The following ZNF423 variants were observed in gnomAD, a reference collection of about 807,000 sequenced individuals.
ZNF423 encodes Ebf-associated zinc finger protein.
Under a neutral mutation model 95.8 loss-of-function variants are expected in ZNF423, and 12 were observed. The ratio of observed to expected loss-of-function variants is 0.13; its 90% CI spans 0.08 to 0.20. The LOEUF is 0.20. ZNF423 is among the 10% of genes least tolerant of loss of function. The probability of loss-of-function intolerance (pLI) is 1.00; values close to 1 mark genes in which losing one functional copy is unlikely to be tolerated. For missense variants in ZNF423, 1,316 were observed against 1,737.1 expected (o/e 0.76, Z 4.31); for synonymous variants, 749 against 711.9 (o/e 1.05, Z -0.83).
chr16:49,617,917 A>G (rs1436203479), intron 5 of ZNF423, among the ~76,000 whole-genome samples: 1 of 152,008 alleles, frequency 6.6e-6, no homozygotes, highest in African/African-American at 2.4e-5. Context: ...ATTCCTGGAA[A>G]CACTGCTCCT....
At chr16:49,581,640 T>A (rs1420156991) in intron 5 of ZNF423, among the ~76,000 whole-genome samples, 3 of 152,234 alleles carry the variant, frequency 2.0e-5, no homozygotes, top group Non-Finnish European at 4.4e-5. Flanking sequence ...GATGGAATGA[T>A]ATTTAAGTGC....
intron 3 of ZNF423, among the ~76,000 whole-genome samples, chr16:49,712,265 GTC>G (rs2032566953): frequency 6.6e-6 from 1 of 152,362 alleles, no homozygotes; most frequent in African/African-American, 2.4e-5. Context: ...GCCTGCATTG[GTC>G]ACAGAAGGAA....
At chr16:49,579,357 T>C (rs982175272) in intron 5 of ZNF423, among the ~76,000 whole-genome samples, 5 of 152,024 alleles carry the variant, frequency 3.3e-5, no homozygotes, top group African/African-American at 1.2e-4. Context: ...ACTAGGGCCC[T>C]CAGGATCCTT....
chr16:49,710,581 G>A (rs9932182), intron 3 of ZNF423, among the ~76,000 whole-genome samples: 6,398 of 152,228 alleles, frequency 0.042, 153 homozygotes, highest in Middle Eastern at 0.092. Context: ...TCCATCCCCG[G>A]CATCCTGGTG....
At chr16:49,740,555 C>G (rs1361038156) in intron 2 of ZNF423, among the ~76,000 whole-genome samples, 1 of 152,230 alleles carries the variant, frequency 6.6e-6, no homozygotes. Context: ...GGCAGCAGAG[C>G]TCTAGGCAAA....
Position 49,815,709 on chromosome 16 carries a change from C to T in ZNF423, c.41-26163G>A, listed in dbSNP as rs556204062. Among the ~76,000 whole-genome samples the T allele has an allele frequency of 4.2e-4, 63 of 151,424 alleles. No homozygotes were observed. The South Asian group carries it at 8.8e-3, about 21-fold the overall frequency. ...TGCACACAACAGGGAGTCATAGGTA[C>T]GAGGAACAGAGCACGCAGGCTTGGG... is the stretch of plus-strand genomic sequence containing the variant. On this transcript the variant is annotated intron_variant, in intron 1 of 7. Coordinates refer to ENST00000563137, the MANE Select transcript of ZNF423 (RefSeq NM_001379286.1).
chr16:49,852,844 A>G (rs970315557), intron 1 of ZNF423, among the ~76,000 whole-genome samples: 1 of 151,700 alleles, frequency 6.6e-6, no homozygotes, highest in African/African-American at 2.4e-5. Flanking sequence ...GGACAAACAC[A>G]CTGCGGGGAC....
At chr16:49,507,939 C>T (rs888011640) in intron 7 of ZNF423, among the ~76,000 whole-genome samples, 1 of 152,162 alleles carries the variant, frequency 6.6e-6, no homozygotes, top group South Asian at 2.1e-4. Flanking sequence ...ACAGAAATGT[C>T]GGCCAGGGGC....
chr16:49,503,648 C>T (rs1168676641), intron 7 of ZNF423, among the ~76,000 whole-genome samples: 4 of 152,190 alleles, frequency 2.6e-5, no homozygotes, highest in Non-Finnish European at 4.4e-5. Context: ...GCAGAGGCTT[C>T]AACTCTGCAT....
chr16:49,729,566 C>T (rs956033660), intron 3 of ZNF423, among the ~76,000 whole-genome samples: 2 of 151,908 alleles, frequency 1.3e-5, no homozygotes, highest in African/African-American at 4.8e-5. Context: ...GTTGCAATAT[C>T]ACAAATTCCA....
At chr16:49,583,991 G>C (rs1488540349) in intron 5 of ZNF423, among the ~76,000 whole-genome samples, 1 of 152,228 alleles carries the variant, frequency 6.6e-6, no homozygotes, top group Admixed American at 6.5e-5. Context: ...GCAGATACCA[G>C]CCAGGCCTAG....
intron 1 of ZNF423, chr16:49,847,644 C>T (rs2035259936): frequency 1.4e-5 from 2 of 145,490 alleles, no homozygotes; most frequent in African/African-American, 5.1e-5. Flanking sequence ...GAGAGAATGG[C>T]CTCATCTTCT....
chr16:49,819,766 T>C (rs1030528011), intron 1 of ZNF423, among the ~76,000 whole-genome samples: 1 of 152,202 alleles, frequency 6.6e-6, no homozygotes, highest in African/African-American at 2.4e-5. Flanking sequence ...AGATGGTCCC[T>C]GACTTAAAGT....
intron 3 of ZNF423, among the ~76,000 whole-genome samples, chr16:49,684,232 G>A (rs2151940234): frequency 6.6e-6 from 1 of 152,268 alleles, no homozygotes; most frequent in South Asian, 2.1e-4. Context: ...CAACACAAAA[G>A]AAATATCATC....
At position 49,615,544 on chromosome 16, in the gene ZNF423, G is replaced by A. The variant is rs532858653; in HGVS notation, c.3601+10626C>T. On this transcript the variant is annotated intron_variant, in intron 5 of 7. Coordinates refer to ENST00000563137, the MANE Select transcript of ZNF423 (RefSeq NM_001379286.1). The stretch of plus-strand genomic sequence containing the variant: ...GCCAGAGGACCAGAAAGGCACGCAG[G>A]CTAGGCAGTCCCATGGTGGGGGCAG... 2.0e-5 allele frequency among the ~76,000 whole-genome samples: 3 copies of A among 152,274 alleles called. No individual in the cohort carries two copies. In the South Asian group the frequency reaches 6.2e-4, roughly 32 times the overall value.
intron 4 of ZNF423, among the ~76,000 whole-genome samples, chr16:49,632,500 C>G (rs548903759): frequency 6.6e-6 from 1 of 152,052 alleles, no homozygotes; most frequent in African/African-American, 2.4e-5. Context: ...CTCCCCAGGC[C>G]TCCAGGCAGG....
rs1340298677 is a variant in ZNF423 at position 49,487,647 on chromosome 16, A to G, written c.*3628T>C. On this transcript the variant is annotated 3_prime_UTR_variant, in exon 8 of 8. Coordinates refer to ENST00000563137, the MANE Select transcript of ZNF423 (RefSeq NM_001379286.1). ...GCACCCAAGTTATAGTCGCAAGTCT[A>G]TCCTGAATGGTATGATCTTGGACAA... is the stretch of plus-strand genomic sequence containing the variant. 2 of 152,206 alleles carry G rather than the reference A, an allele frequency of 1.3e-5. No homozygotes were observed. The highest frequency in any genetic ancestry group is 2.9e-5 in the Non-Finnish European group (2 of 68,032). The allele number at this position is 152,206 out of a possible 1,614,324, so 9.4% of individuals were successfully genotyped here. A position where few individuals can be genotyped will look rare whatever the true frequency, so the allele number is the denominator to read the frequency against.
intron 1 of ZNF423, among the ~76,000 whole-genome samples, chr16:49,807,027 C>CA (rs767699028): frequency 0.021 from 2,241 of 105,488 alleles, 23 homozygotes; most frequent in Middle Eastern, 0.059. Flanking sequence ...ACTCTGACTC[C>CA]AAAAAAAAAA....
chr16:49,673,109 A>G (rs2030889430), intron 3 of ZNF423, among the ~76,000 whole-genome samples: 1 of 152,226 alleles, frequency 6.6e-6, no homozygotes, highest in African/African-American at 2.4e-5. Context: ...TACCTGACAC[A>G]GTCTGCACAG....
Sources: allele counts gnomAD v4.1 joint callset (sites outside exome capture counted in the v4.1 genomes callset), GRCh38; gene constraint gnomAD v4.1.1; transcripts MANE v1.5; gene names NCBI Gene and HGNC (gene_info 2026-07-23, HGNC 2026-07-21).